The following ARL15 variants were observed in gnomAD, a reference collection of about 807,000 sequenced individuals.
ARL15 encodes the protein ARF like GTPase 15.
Under a neutral mutation model 25.2 loss-of-function variants are expected in ARL15, and 19 were observed. That is an observed-to-expected ratio of 0.75 (90% confidence interval 0.53 to 1.10). The LOEUF (loss-of-function observed/expected upper bound fraction) is 1.10. Among genes scored for constraint, ARL15 ranks in the 50% least tolerant of loss-of-function variants. The pLI is 0.00. For missense variants in ARL15, 220 were observed against 246.0 expected (o/e 0.89, Z 0.71); for synonymous variants, 94 against 86.8 (o/e 1.08, Z -0.46).
chr5:54,138,338 A>G (rs1289313826), intron 3 of ARL15, among the ~76,000 whole-genome samples: 1 of 152,184 alleles, frequency 6.6e-6, no homozygotes, highest in Non-Finnish European at 1.5e-5. Context: ...AAAATTACCA[A>G]TGGAACAGGA....
chr5:54,118,613 T>C (rs1366608480), intron 3 of ARL15, among the ~76,000 whole-genome samples: 1 of 152,162 alleles, frequency 6.6e-6, no homozygotes. Flanking sequence ...GGAATAAAAG[T>C]CTTACTTTAA....
chr5:54,192,761 G>GT (rs1561260960), intron 1 of ARL15, among the ~76,000 whole-genome samples: 1 of 152,048 alleles, frequency 6.6e-6, no homozygotes, highest in Non-Finnish European at 1.5e-5. Flanking sequence ...AACAGAAAAC[G>GT]TAAGTGTCAT....
chr5:54,163,356 C>CTTTTTTTT (rs869196680), intron 2 of ARL15, among the ~76,000 whole-genome samples: 10 of 55,700 alleles, frequency 1.8e-4, no homozygotes, highest in East Asian at 5.5e-4. Context: ...TGGTATGAAG[C>CTTTTTTTT]TTTTTTTTTT....
chr5:54,285,043 A>AAGG (rs1368516473), intron 1 of ARL15, among the ~76,000 whole-genome samples: 4 of 152,216 alleles, frequency 2.6e-5, no homozygotes, highest in African/African-American at 9.7e-5. Context: ...ACTTGGAATG[A>AAGG]AGGATAAGTA....
intron 4 of ARL15, among the ~76,000 whole-genome samples, chr5:53,998,644 C>T (rs1485708065): frequency 6.6e-6 from 1 of 152,180 alleles, no homozygotes; most frequent in East Asian, 1.9e-4. Flanking sequence ...GAGATGAGGG[C>T]ATGAAAAGTC....
intron 3 of ARL15, among the ~76,000 whole-genome samples, chr5:54,148,207 A>G (rs1315537835): frequency 2.6e-5 from 4 of 152,226 alleles, no homozygotes; most frequent in African/African-American, 9.6e-5. Flanking sequence ...TGTGTCCTGT[A>G]CAGTTTCTGG....
chr5:54,210,134 A>C (rs1398141130), intron 1 of ARL15, among the ~76,000 whole-genome samples: 1 of 152,184 alleles, frequency 6.6e-6, no homozygotes, highest in East Asian at 1.9e-4. Flanking sequence ...CATAACAAGT[A>C]AAATTAACAA....
intron 4 of ARL15, among the ~76,000 whole-genome samples, chr5:54,076,385 C>G (rs1312475799): frequency 6.7e-6 from 1 of 150,222 alleles, no homozygotes; most frequent in African/African-American, 2.4e-5. Context: ...CGCGCCACTG[C>G]ACTCCAGCCT....
intron 4 of ARL15, among the ~76,000 whole-genome samples, chr5:53,974,075 G>A (rs1580131972): frequency 1.3e-5 from 2 of 152,068 alleles, no homozygotes; most frequent in South Asian, 4.2e-4. Flanking sequence ...ATACAAGCTA[G>A]ACTCTGTTTT....
rs541251491 is a variant in ARL15, at chr5:54,126,834, T to C, written c.254-13424A>G. Among the ~76,000 whole-genome samples, 6 of 152,110 alleles carry C rather than the reference T, an allele frequency of 3.9e-5. No individual in the cohort carries two copies. The East Asian group carries it at 1.2e-3, about 29-fold the overall frequency. On this transcript the variant is annotated intron_variant, in intron 3 of 4. Transcript: ENST00000504924. ...TCTTTTTTTAAATTTTTGTATTTTT[T>C]TAATTTATTTTTATTTTATTTTATT...
At chr5:53,995,976 C>T (rs1245680889) in intron 4 of ARL15, among the ~76,000 whole-genome samples, 2 of 152,168 alleles carry the variant, frequency 1.3e-5, no homozygotes, top group Admixed American at 1.3e-4. Context: ...TTGAGTGTTC[C>T]TTAATAACTG....
At chr5:53,965,645 G>A (rs1747532666) in intron 4 of ARL15, among the ~76,000 whole-genome samples, 1 of 151,670 alleles carries the variant, frequency 6.6e-6, no homozygotes, top group Non-Finnish European at 1.5e-5. Flanking sequence ...TTTCTGTGTG[G>A]GGGGTTTCTT....
At chr5:53,915,989 C>T (rs1350813740) in intron 4 of ARL15, among the ~76,000 whole-genome samples, 1 of 152,162 alleles carries the variant, frequency 6.6e-6, no homozygotes, top group Non-Finnish European at 1.5e-5. Context: ...TCACTGCAGC[C>T]TTGACCTTCT....
intron 1 of ARL15, among the ~76,000 whole-genome samples, chr5:54,203,806 A>C (rs537154050): frequency 6.6e-6 from 1 of 152,296 alleles, no homozygotes; most frequent in South Asian, 2.1e-4. Flanking sequence ...AACCAAGAAC[A>C]AAAAGGGTTG....
chr5:54,133,904 GA>G (rs1256953396), intron 3 of ARL15, among the ~76,000 whole-genome samples: 2 of 151,682 alleles, frequency 1.3e-5, no homozygotes, highest in African/African-American at 4.8e-5. Context: ...GATCAGATAA[GA>G]AAAAAAACTA....
intron 4 of ARL15, among the ~76,000 whole-genome samples, chr5:54,011,885 T>C (rs1290561088): frequency 6.6e-6 from 1 of 152,126 alleles, no homozygotes; most frequent in African/African-American, 2.4e-5. Context: ...GGCACGCACC[T>C]GTAGTCCCAG....
chr5:54,041,507 ATAGG>A (rs1480392887), intron 4 of ARL15, among the ~76,000 whole-genome samples: 1 of 152,208 alleles, frequency 6.6e-6, no homozygotes, highest in Admixed American at 6.5e-5. Context: ...CAAGGACAGG[ATAGG>A]TTAATAGACT....
chr5:54,065,559 C>A (rs1047927323), intron 4 of ARL15, among the ~76,000 whole-genome samples: 1 of 90,154 alleles, frequency 1.1e-5, no homozygotes, highest in Non-Finnish European at 2.0e-5. Context: ...CCAGCTACTC[C>A]GGAGGCTGAG....
chr5:54,275,003 A>G (rs35923), intron 1 of ARL15, among the ~76,000 whole-genome samples: 113,416 of 152,150 alleles, frequency 0.75, 42,967 homozygotes, highest in Non-Finnish European at 0.79. Flanking sequence ...TTATGTGCCT[A>G]TGGGCAAAAA....
Sources: allele counts gnomAD v4.1 joint callset (sites outside exome capture counted in the v4.1 genomes callset), GRCh38; gene constraint gnomAD v4.1.1; transcripts MANE v1.5; gene names NCBI Gene and HGNC (gene_info 2026-07-23, HGNC 2026-07-21).